Variants in CARF observed in about 807,000 individuals in gnomAD.
CARF encodes calcium responsive transcription factor.
Under a neutral mutation model 82.0 loss-of-function variants are expected in CARF, and 57 were observed. That is an observed-to-expected ratio of 0.70 (90% confidence interval 0.56 to 0.87). The LOEUF is 0.87. Among genes scored for constraint, CARF ranks in the 40% least tolerant of loss-of-function variants. The pLI, the probability that CARF is intolerant of heterozygous loss-of-function variation, is 0.00. For synonymous variants in CARF, 268 were observed against 290.1 expected, an observed-to-expected ratio of 0.92 and a Z score of 0.77; for missense variants, 771 against 855.8, an observed-to-expected ratio of 0.90 and a Z score of 1.24.
rs577925003 is a variant in CARF, at chr2:202,964,234, T to C, written c.833-2744T>C. Among the ~76,000 whole-genome samples the C allele has an allele frequency of 2.1e-4, 32 of 152,296 alleles. 1 individual carries two copies. In the South Asian group the frequency reaches 6.4e-3, roughly 31 times the overall value. On this transcript the variant is annotated intron_variant, in intron 9 of 16. Coordinates refer to ENST00000438828, the MANE Select transcript of CARF (RefSeq NM_024744.17). ...TGTGAAAATTTCATTTCCCCACTTT[T>C]ACTTCATGACTTAGCATTGCCAGAT...
At chr2:202,959,005 A>G (rs1432443596) in intron 8 of CARF, among the ~76,000 whole-genome samples, 1 of 150,746 alleles carries the variant, frequency 6.6e-6, no homozygotes, top group Non-Finnish European at 1.5e-5. Context: ...TGAATTTCTC[A>G]TTTAATGATG....
At chr2:202,935,101 A>AATATATAATTATATATAATC (rs1693664200) in intron 3 of CARF, among the ~76,000 whole-genome samples, 1 of 136,836 alleles carries the variant, frequency 7.3e-6, no homozygotes, top group East Asian at 2.1e-4. Context: ...TATTATATAT[A>AATATATAATTATATATAATC]ATATATAATT....
Position 202,986,675 on chromosome 2 carries a change from T to C in CARF, c.*3051T>C, listed in dbSNP as rs2105958664. 6.6e-6 allele frequency: 1 copy of C among 151,528 alleles called. No homozygotes were observed. Among genetic ancestry groups the C allele is most frequent in the Non-Finnish European group, 1.5e-5 (1 of 67,794 alleles). 9.4% of individuals were successfully genotyped at this position (151,528 alleles called of 1,614,324 possible). Reference sequence around the variant, plus strand: ...TTATGCAAGGTAAATGTTTCCTAAATGTCACAAAAGTGATAGAAAACATAG... The same window carrying C: ...TTATGCAAGGTAAATGTTTCCTAAACGTCACAAAAGTGATAGAAAACATAG... On this transcript the variant is annotated 3_prime_UTR_variant, in exon 17 of 17. Transcript: ENST00000438828.
chr2:202,921,071 G>T (rs1243432179), intron 2 of CARF, among the ~76,000 whole-genome samples: 1 of 151,994 alleles, frequency 6.6e-6, no homozygotes, highest in Non-Finnish European at 1.5e-5. Flanking sequence ...GTGCAATCTC[G>T]GCTCACTGCA....
chr2:202,941,217 TAA>T (rs2058214640), intron 3 of CARF, among the ~76,000 whole-genome samples: 1 of 152,140 alleles, frequency 6.6e-6, no homozygotes, highest in South Asian at 2.1e-4. Context: ...GAGAAGCAAT[TAA>T]AAGATATTTT....
chr2:202,942,755 G>C lies in CARF; in HGVS notation c.94G>C (p.Asp32His). 3 of 1,613,000 alleles carry C rather than the reference G, an allele frequency of 1.9e-6. No individual in the cohort carries two copies. Among genetic ancestry groups the C allele is most frequent in the Non-Finnish European group, 2.5e-6 (3 of 1,179,492 alleles). The change falls in exon 5 of 17, where the codon GAC becomes CAC. Residue 32 changes from aspartate to histidine, a missense_variant. Asp to His is a moderately conservative substitution (Grantham distance 81). Coordinates refer to ENST00000438828, the MANE Select transcript of CARF (RefSeq NM_024744.17). ...CTTACAAAAGCATCTAATCTGTATG[G>C]ACTCCAGGGATTCTTCCTTTGGACA... ...AQVFEHLICMDSRDSSFGQND... is the reference protein window; with the variant it reads ...AQVFEHLICMHSRDSSFGQND...
At chr2:202,972,004 C>T (rs1252151148) in intron 12 of CARF, among the ~76,000 whole-genome samples, 1 of 151,842 alleles carries the variant, frequency 6.6e-6, no homozygotes, top group Non-Finnish European at 1.5e-5. Flanking sequence ...TGGACTATGT[C>T]TAAATGATGT....
intron 3 of CARF, among the ~76,000 whole-genome samples, chr2:202,928,273 C>T (rs1469121050): frequency 1.3e-5 from 2 of 152,168 alleles, no homozygotes; most frequent in Non-Finnish European, 2.9e-5. Context: ...GTCCTCTAAG[C>T]CCATCTACGT....
At chr2:202,975,460 T>A (rs1222353355) in intron 13 of CARF, among the ~76,000 whole-genome samples, 1 of 146,554 alleles carries the variant, frequency 6.8e-6, no homozygotes, top group Non-Finnish European at 1.5e-5. Context: ...GAAAAAAAAA[T>A]TAGCTGGGTG....
At chr2:202,962,549 T>TC (rs2059367437) in intron 9 of CARF, 1 of 152,112 alleles carries the variant, frequency 6.6e-6, no homozygotes, top group African/African-American at 2.4e-5. Flanking sequence ...TCTTCCTTTT[T>TC]CCCATCCTAG....
chr2:202,941,749 A>G (rs2058239173), intron 3 of CARF, 111 bp from the exon 4 acceptor site: 6 of 514,314 alleles, frequency 1.2e-5, no homozygotes, highest in Non-Finnish European at 1.4e-5. Context: ...AATTGATTTT[A>G]CCTAAATTAT....
intron 8 of CARF, among the ~76,000 whole-genome samples, chr2:202,957,835 G>A (rs2059122277): frequency 6.6e-6 from 1 of 151,936 alleles, no homozygotes. Context: ...GGCACCTGTA[G>A]TCCCAGCTGC....
At position 202,912,539 on chromosome 2, in the gene CARF, C is replaced by T. The variant is rs1574419387; in HGVS notation, c.-893C>T. On this transcript the variant is annotated 5_prime_UTR_variant, in exon 1 of 17. Coordinates refer to ENST00000438828, the MANE Select transcript of CARF (RefSeq NM_024744.17). ...GACCCGCCGGAGCTCCGAGCAACTG[C>T]CGGCCTCCGCCCCCAGCCGCAGCCG... 5 of 151,292 alleles carry T rather than the reference C, an allele frequency of 3.3e-5. No homozygotes were observed. In the South Asian group the frequency reaches 1.0e-3, roughly 32 times the overall value. 9.4% of individuals were successfully genotyped at this position (151,292 alleles called of 1,614,324 possible).
chr2:202,918,182 T>C (rs1690080506), intron 2 of CARF, 139 bp downstream of exon 2: 2 of 301,542 alleles, frequency 6.6e-6, no homozygotes, highest in Non-Finnish European at 1.3e-5. Context: ...GAAAAAACAT[T>C]TTATACTTAG....
At chr2:202,963,201 C>G (rs1405857438) in intron 9 of CARF, 4 of 152,236 alleles carry the variant, frequency 2.6e-5, no homozygotes, top group Non-Finnish European at 5.9e-5. Context: ...GCCTCTAGTC[C>G]CAGCTACGCG....
chr2:202,960,089 T>A (rs907720855), intron 8 of CARF, among the ~76,000 whole-genome samples: 6 of 152,216 alleles, frequency 3.9e-5, no homozygotes, highest in African/African-American at 1.4e-4. Context: ...CATGTATACA[T>A]GTACTTGTCT....
At position 202,983,728 on chromosome 2, in the gene CARF, C is replaced by T. The variant is rs1369735203; in HGVS notation, c.*104C>T. On this transcript the variant is annotated 3_prime_UTR_variant, in exon 17 of 17. Transcript: ENST00000438828. ...GGCATTGAGATAATTGGACTGAAGA[C>T]CAGTTTGATGAGAAGCTTTTATTTA... The T allele has an allele frequency of 2.7e-6, 2 of 733,234 alleles. No individual in the cohort carries two copies. The highest frequency in any genetic ancestry group is 2.6e-5 in the Admixed American group (1 of 39,010). 45.4% of individuals were successfully genotyped at this position (733,234 alleles called of 1,614,324 possible). A position where few individuals can be genotyped will look rare whatever the true frequency, so the allele number is the denominator to read the frequency against.
intron 2 of CARF, among the ~76,000 whole-genome samples, chr2:202,921,076 A>G (rs1690705098): frequency 6.6e-6 from 1 of 152,146 alleles, no homozygotes; most frequent in Non-Finnish European, 1.5e-5. Flanking sequence ...ATCTCGGCTC[A>G]CTGCAACCTC....
rs746182561 is a variant in CARF at position 202,982,110 on chromosome 2, A to T, written c.1728A>T (p.Glu576Asp). Reference protein sequence around the residue: ...QLQPRYTSPDESPAVVSVNNQ... With the variant: ...QLQPRYTSPDDSPAVVSVNNQ... ...AACCAAGGTACACCTCTCCTGATGA[A>T]TCACCAGCTGTGGTATCAGTAAATA... Residue 576 changes from glutamate (E) to aspartate (D), a missense_variant, in exon 16 of 17, where the codon GAA becomes GAT. Glu to Asp is a conservative substitution (Grantham distance 45). Coordinates refer to ENST00000438828, the MANE Select transcript of CARF (RefSeq NM_024744.17). 6.2e-7 allele frequency: 1 copy of T among 1,614,150 alleles called. No homozygotes were observed. The highest frequency in any genetic ancestry group is 1.7e-5 in the Admixed American group (1 of 60,014).
Sources: allele counts gnomAD v4.1 joint callset (sites outside exome capture counted in the v4.1 genomes callset), GRCh38; gene constraint gnomAD v4.1.1; transcripts MANE v1.5; gene names NCBI Gene and HGNC (gene_info 2026-07-23, HGNC 2026-07-21).